Variants in CENPP observed in about 807,000 individuals in gnomAD.
The protein encoded by CENPP is centromere protein P.
In CENPP, 24 loss-of-function variants were observed where a neutral mutation model predicts 35.6. The ratio of observed to expected loss-of-function variants is 0.67; its 90% CI spans 0.49 to 0.95. CENPP has a LOEUF of 0.95. Among genes scored for constraint, CENPP ranks in the 40% least tolerant of loss-of-function variants. The pLI, the probability that CENPP is intolerant of heterozygous loss-of-function variation, is 0.00. For missense variants in CENPP, 332 were observed against 345.3 expected (o/e 0.96, Z 0.31); for synonymous variants, 120 against 125.5 (o/e 0.96, Z 0.29).
intron 5 of CENPP, chr9:92,403,270 A>G (rs564769029): frequency 6.1e-5 from 97 of 1,602,220 alleles, no homozygotes; most frequent in Middle Eastern, 1.7e-4. Flanking sequence ...TATCCTCATA[A>G]TCTTGGCTAA....
At chr9:92,422,929 A>G (rs1564313102) in intron 5 of CENPP, among the ~76,000 whole-genome samples, 1 of 152,220 alleles carries the variant, frequency 6.6e-6, no homozygotes, top group Non-Finnish European at 1.5e-5. Context: ...GCAATATTGT[A>G]TAATTCATTG....
At chr9:92,601,749 C>CT (rs754480334) in intron 5 of CENPP, among the ~76,000 whole-genome samples, 3 of 152,180 alleles carry the variant, frequency 2.0e-5, no homozygotes, top group Non-Finnish European at 2.9e-5. Flanking sequence ...AGGGGATACA[C>CT]TGAGGGTGAA....
rs533798806 is a variant in CENPP at position 92,496,159 on chromosome 9, A to G, written c.565-115155A>G. The G allele has an allele frequency of 9.3e-5, 125 of 1,338,316 alleles. No individual in the cohort carries two copies. The African/African-American group carries it at 1.8e-3, about 20-fold the overall frequency. The allele number at this position is 1,338,316 out of a possible 1,614,324, so 82.9% of individuals were successfully genotyped here. ...CTCCTAGAGACTATACCTTTTAGGT[A>G]TATTTTGGTTGTTCATCTGTGTGTT... On this transcript the variant is annotated intron_variant, in intron 5 of 7. Coordinates refer to ENST00000375587, the MANE Select transcript of CENPP (RefSeq NM_001012267.3).
intron 5 of CENPP, among the ~76,000 whole-genome samples, chr9:92,410,089 A>G (rs1843405824): frequency 1.3e-5 from 2 of 151,966 alleles, no homozygotes; most frequent in Non-Finnish European, 2.9e-5. Flanking sequence ...GGTGCGTACC[A>G]CCGCGCCTGG....
chr9:92,610,721 C>T (rs1169936687), intron 5 of CENPP: 1 of 152,722 alleles, frequency 6.5e-6, no homozygotes, highest in East Asian at 1.9e-4. Context: ...GTGGGAGCCG[C>T]ACCACCACTG....
At position 92,325,993 on chromosome 9, in the gene CENPP, C is replaced by T. The variant is rs770887985; in HGVS notation, c.-6C>T. 1.3e-6 allele frequency: 2 copies of T among 1,548,926 alleles called. No homozygotes were observed. The highest frequency in any genetic ancestry group is 1.2e-5 in the South Asian group (1 of 83,996). Reference sequence around the variant, plus strand: ...CTGCCGGCCCGGCTGCGGTCAGCAACGCGCCATGGACGCAGAGCTGGCAGA... The same window carrying T: ...CTGCCGGCCCGGCTGCGGTCAGCAATGCGCCATGGACGCAGAGCTGGCAGA... On this transcript the variant is annotated 5_prime_UTR_variant, in exon 1 of 8. In the 5' UTR this introduces an upstream ATG that the reference lacks. Transcript: ENST00000375587.
At position 92,500,788 on chromosome 9, in the gene CENPP, G is replaced by A. The variant is rs150249574; in HGVS notation, c.565-110526G>A. ...GCTTTCATTTCTTGTATCCCAGGTG[G>A]TATAGATTTTAAGTCATTGTGATCC... On this transcript the variant is annotated intron_variant, in intron 5 of 7. Transcript: ENST00000375587. 8.0e-5 allele frequency: 129 copies of A among 1,614,162 alleles called. 2 individuals are homozygous for A. Among genetic ancestry groups the A allele is most frequent in the Non-Finnish European group, 1.3e-5 (15 of 1,180,030 alleles).
intron 5 of CENPP, among the ~76,000 whole-genome samples, chr9:92,599,196 T>C (rs1850849629): frequency 6.6e-6 from 1 of 151,638 alleles, no homozygotes; most frequent in Non-Finnish European, 1.5e-5. Context: ...TTGAAAACCA[T>C]TTTACTATTC....
At chr9:92,533,321 AAAAAAAAAT>A (rs1848946370) in intron 5 of CENPP, among the ~76,000 whole-genome samples, 2 of 100,766 alleles carry the variant, frequency 2.0e-5, no homozygotes, top group African/African-American at 7.6e-5. Context: ...AAAAAAAAAA[AAAAAAAAAT>A]ATATATATAT....
chr9:92,552,012 A>G (rs1487213023), intron 5 of CENPP, among the ~76,000 whole-genome samples: 226 of 145,678 alleles, frequency 1.6e-3, no homozygotes, highest in Non-Finnish European at 2.2e-3. Flanking sequence ...GTGTATATAT[A>G]TGATATGATA....
At position 92,618,599 on chromosome 9, in the gene CENPP, G is replaced by A. The variant is rs1851522509; in HGVS notation, c.*5450G>A. ...AACACCACCAGCTTAATCCAGTTAAGGAATTCCTCATAACTTAGCCCTGTA... is the reference window on the plus strand; with the variant it reads ...AACACCACCAGCTTAATCCAGTTAAAGAATTCCTCATAACTTAGCCCTGTA... On this transcript the variant is annotated 3_prime_UTR_variant, in exon 8 of 8. Transcript: ENST00000375587. 2.2e-6 allele frequency: 1 copy of A among 456,380 alleles called. No individual in the cohort carries two copies. Among genetic ancestry groups the A allele is most frequent in the Admixed American group, 2.3e-5 (1 of 42,586 alleles). 28.3% of individuals were successfully genotyped at this position (456,380 alleles called of 1,614,324 possible). A position where few individuals can be genotyped will look rare whatever the true frequency, so the allele number is the denominator to read the frequency against.
intron 1 of CENPP, among the ~76,000 whole-genome samples, chr9:92,330,856 T>C (rs1216969746): frequency 1.3e-5 from 2 of 151,918 alleles, no homozygotes; most frequent in African/African-American, 4.8e-5. Context: ...TCGAGGCTAA[T>C]TTTTTGTATT....
chr9:92,519,079 T>C (rs79865887), intron 5 of CENPP, among the ~76,000 whole-genome samples: 6,064 of 152,138 alleles, frequency 0.04, 185 homozygotes, highest in South Asian at 0.098. Flanking sequence ...TGAGCCACTG[T>C]CCCCAAGTTC....
intron 1 of CENPP, among the ~76,000 whole-genome samples, chr9:92,331,003 T>G (rs1318479694): frequency 1.3e-5 from 2 of 151,632 alleles, no homozygotes; most frequent in African/African-American, 2.4e-5. Context: ...TAAAATTTCA[T>G]TCTTTTTCTC....
chr9:92,567,391 T>TATATATATATATATATATATAG (rs374567670), intron 5 of CENPP, among the ~76,000 whole-genome samples: 8 of 98,376 alleles, frequency 8.1e-5, no homozygotes, highest in South Asian at 7.8e-4. Flanking sequence ...TATATATATA[T>TATATATATATATATATATATAG]ATATAGATAT....
At chr9:92,553,843 C>T (rs780656265) in intron 5 of CENPP, among the ~76,000 whole-genome samples, 2 of 152,038 alleles carry the variant, frequency 1.3e-5, no homozygotes, top group East Asian at 1.9e-4. Context: ...TCAAGGTAAA[C>T]GATCATATTG....
At chr9:92,350,461 A>T (rs1167457140) in intron 4 of CENPP, among the ~76,000 whole-genome samples, 1 of 152,250 alleles carries the variant, frequency 6.6e-6, no homozygotes, top group Non-Finnish European at 1.5e-5. Context: ...TGAATTTTTT[A>T]AAGTTCATTG....
At chr9:92,489,757 T>A (rs772563664) in intron 5 of CENPP, among the ~76,000 whole-genome samples, 1 of 152,186 alleles carries the variant, frequency 6.6e-6, no homozygotes, top group Non-Finnish European at 1.5e-5. Flanking sequence ...GACATGATCA[T>A]ACAGTAACAC....
At chr9:92,555,776 C>T (rs1849711615) in intron 5 of CENPP, among the ~76,000 whole-genome samples, 1 of 152,170 alleles carries the variant, frequency 6.6e-6, no homozygotes, top group Non-Finnish European at 1.5e-5. Flanking sequence ...TGGATTTTCT[C>T]TCTTCTTTTC....
Sources: gnomAD v4.1 joint callset for allele counts (sites outside exome capture counted in the v4.1 genomes callset) on GRCh38, gnomAD v4.1.1 for gene constraint, MANE v1.5 for transcripts, NCBI Gene and HGNC (gene_info 2026-07-23, HGNC 2026-07-21) for gene names.